COL24A1: variants seen among roughly 807,000 people sequenced by gnomAD.
COL24A1 encodes the protein collagen alpha-1(XXIV) chain.
A neutral mutation model predicts 253.9 loss-of-function variants in COL24A1; 224 were observed. The observed-to-expected ratio is 0.88, with a 90% CI of 0.79 to 0.99. COL24A1 has a LOEUF of 0.99. Among genes scored for constraint, COL24A1 ranks in the 50% least tolerant of loss-of-function variants. The pLI is 0.00. For missense variants in COL24A1, 2,131 were observed against 2,068.5 expected (o/e 1.03, Z -0.59); for synonymous variants, 685 against 673.7 (o/e 1.02, Z -0.26).
At chr1:85,812,713 A>G (rs1251995032) in intron 47 of COL24A1, among the ~76,000 whole-genome samples, 3 of 152,230 alleles carry the variant, frequency 2.0e-5, no homozygotes, top group Non-Finnish European at 2.9e-5. Flanking sequence ...AGCATCCTCT[A>G]TAGAGTAGGT....
At chr1:85,826,240 T>A (rs1361278866) in intron 43 of COL24A1, among the ~76,000 whole-genome samples, 7 of 143,868 alleles carry the variant, frequency 4.9e-5, no homozygotes, top group South Asian at 4.8e-4. Flanking sequence ...GTTGTAGATA[T>A]GCGGCATTAT....
intron 58 of COL24A1, chr1:85,736,690 C>T (rs180986473): frequency 5.8e-6 from 2 of 344,450 alleles, no homozygotes; most frequent in East Asian, 1.5e-4. Flanking sequence ...ACAAAACACA[C>T]AATAGGCACA....
At position 86,017,262 on chromosome 1, in the gene COL24A1, G is replaced by A. The variant is rs547655457; in HGVS notation, c.2257-58C>T. The A allele has an allele frequency of 1.6e-4, 218 of 1,369,566 alleles. 1 individual carries two copies. The highest frequency in any genetic ancestry group is 1.5e-4 in the Non-Finnish European group (148 of 1,012,786). The allele number at this position is 1,369,566 out of a possible 1,614,324, so 84.8% of individuals were successfully genotyped here. ...ATAAACTTAATAAACACAATTAAAAGAAGAAACAGGCATATGGTAAACAAA... is the reference window on the plus strand; with the variant it reads ...ATAAACTTAATAAACACAATTAAAAAAAGAAACAGGCATATGGTAAACAAA... On this transcript the variant is annotated intron_variant, in intron 18 of 59. Transcript: ENST00000370571.
intron 7 of COL24A1, among the ~76,000 whole-genome samples, chr1:86,065,354 C>T (rs1402102403): frequency 6.6e-6 from 1 of 152,074 alleles, no homozygotes; most frequent in African/African-American, 2.4e-5. Context: ...GCAATCGTGG[C>T]ACAATTTTAT....
chr1:86,139,608 A>T (rs752756648), intron 2 of COL24A1, among the ~76,000 whole-genome samples: 2 of 152,236 alleles, frequency 1.3e-5, no homozygotes, highest in Non-Finnish European at 2.9e-5. Flanking sequence ...TTTATAAAGT[A>T]TAACAAGTTA....
chr1:85,754,973 G>A (rs747795151), intron 55 of COL24A1, among the ~76,000 whole-genome samples: 3 of 152,076 alleles, frequency 2.0e-5, no homozygotes, highest in Non-Finnish European at 4.4e-5. Flanking sequence ...CTACACATCC[G>A]AGAAGTTCCA....
intron 8 of COL24A1, among the ~76,000 whole-genome samples, chr1:86,062,027 T>C (rs1701129291): frequency 6.6e-6 from 1 of 152,040 alleles, no homozygotes; most frequent in Non-Finnish European, 1.5e-5. Flanking sequence ...ATTTTGTGGA[T>C]AAAATAGAAC....
intron 2 of COL24A1, among the ~76,000 whole-genome samples, chr1:86,144,164 T>C (rs961628222): frequency 3.2e-4 from 49 of 152,210 alleles, no homozygotes; most frequent in African/African-American, 1.1e-3. Context: ...AAATTTTAGG[T>C]GTATAAAATT....
chr1:85,829,562 A>T (rs1276319990), intron 43 of COL24A1, among the ~76,000 whole-genome samples: 8 of 151,554 alleles, frequency 5.3e-5, no homozygotes, highest in Non-Finnish European at 1.5e-5. Context: ...AGGTACACCA[A>T]TCAGACGTAG....
At chr1:86,139,323 AT>A (rs1557791122) in intron 2 of COL24A1, among the ~76,000 whole-genome samples, 1 of 152,156 alleles carries the variant, frequency 6.6e-6, no homozygotes, top group Non-Finnish European at 1.5e-5. Flanking sequence ...CAGTGACTAT[AT>A]CAATTGACTC....
intron 47 of COL24A1, among the ~76,000 whole-genome samples, chr1:85,813,784 C>T (rs1041496665): frequency 6.6e-6 from 1 of 151,848 alleles, no homozygotes; most frequent in African/African-American, 2.4e-5. Flanking sequence ...ATCTCCTGAC[C>T]TCGTGATCCG....
intron 43 of COL24A1, among the ~76,000 whole-genome samples, chr1:85,834,190 A>G (rs1342613512): frequency 1.3e-5 from 2 of 152,178 alleles, no homozygotes; most frequent in African/African-American, 2.4e-5. Context: ...CAAAGTAACT[A>G]GATTCCAGAA....
At position 86,022,549 on chromosome 1, in the gene COL24A1, G is replaced by A. The variant is rs641712; in HGVS notation, c.2191C>T (p.Pro731Ser). The stretch of plus-strand genomic sequence containing the variant: ...GGTATAAACATTACCTTGTCTCCAG[G>A]ATACCCGGGTTCTCCTAGCTCTCCT... ...TAGELGEPGY[P>S]GDKGAVGLPG... Residue 731 changes from proline (P) to serine (S), a missense_variant, in exon 17 of 60, where the codon CCT becomes TCT. Pro to Ser is a moderately conservative substitution (Grantham distance 74). Transcript: ENST00000370571. 0.28 allele frequency: 448,372 copies of A among 1,609,308 alleles called. 65,284 individuals carry two copies. The highest frequency in any genetic ancestry group is 0.48 in the Middle Eastern group (2,919 of 6,038).
At chr1:85,881,841 G>A (rs1218178302) in intron 32 of COL24A1, among the ~76,000 whole-genome samples, 1 of 151,862 alleles carries the variant, frequency 6.6e-6, no homozygotes, top group Non-Finnish European at 1.5e-5. Flanking sequence ...CAATTTCACT[G>A]ATTTCTGCTG....
At chr1:86,110,601 G>T (rs1277957933) in intron 5 of COL24A1, among the ~76,000 whole-genome samples, 1 of 151,960 alleles carries the variant, frequency 6.6e-6, no homozygotes. Flanking sequence ...CGGCGCTCGC[G>T]AGCGAGCGCG....
intron 19 of COL24A1, among the ~76,000 whole-genome samples, chr1:86,010,711 A>G (rs1696408904): frequency 6.6e-6 from 1 of 152,150 alleles, no homozygotes; most frequent in African/African-American, 2.4e-5. Context: ...CATATGTAGG[A>G]GAATGATTGA....
intron 18 of COL24A1, among the ~76,000 whole-genome samples, chr1:86,020,505 A>G (rs182627101): frequency 1.4e-4 from 22 of 152,294 alleles, no homozygotes; most frequent in Non-Finnish European, 2.1e-4. Context: ...ACTCCCATCA[A>G]CATGTTATAA....
chr1:85,903,922 T>C (rs1684561142), intron 28 of COL24A1, among the ~76,000 whole-genome samples: 1 of 152,184 alleles, frequency 6.6e-6, no homozygotes, highest in East Asian at 1.9e-4. Context: ...TCTATTCTTG[T>C]TATAAACTAT....
In COL24A1 at chr1:85,754,467, G is replaced by T. The variant is rs1434998621; in HGVS notation, c.4437+6929C>A. On this transcript the variant is annotated intron_variant, in intron 55 of 59. Coordinates refer to ENST00000370571, the MANE Select transcript of COL24A1 (RefSeq NM_152890.7). The stretch of plus-strand genomic sequence containing the variant: ...ACACGTTAGTGGGTGCAGCGCACCA[G>T]CATGGCACATGTATACATATGTAAC... Among the ~76,000 whole-genome samples, 9 of 101,534 alleles carry T rather than the reference G, an allele frequency of 8.9e-5. No individual in the cohort carries two copies. The Admixed American group carries it at 9.3e-4, about 11-fold the overall frequency. 66.6% of individuals were successfully genotyped at this position (101,534 alleles called of 152,430 possible). A position where few individuals can be genotyped will look rare whatever the true frequency, so the allele number is the denominator to read the frequency against.
Sources: gnomAD v4.1 joint callset for allele counts (sites outside exome capture counted in the v4.1 genomes callset) on GRCh38, gnomAD v4.1.1 for gene constraint, MANE v1.5 for transcripts, NCBI Gene and HGNC (gene_info 2026-07-23, HGNC 2026-07-21) for gene names.